ARAP1: variants seen among roughly 807,000 people sequenced by gnomAD.
ARAP1 encodes ArfGAP with RhoGAP domain, ankyrin repeat and PH domain 1.
Under a neutral mutation model 172.2 loss-of-function variants are expected in ARAP1, and 76 were observed. The observed-to-expected ratio is 0.44, with a 90% confidence interval of 0.37 to 0.53. The LOEUF (loss-of-function observed/expected upper bound fraction) is 0.53, where lower values mean the gene tolerates loss of function less well. ARAP1 is among the 20% of genes least tolerant of loss of function. The probability of loss-of-function intolerance (pLI) is 0.00; values close to 1 mark genes in which losing one functional copy is unlikely to be tolerated. For missense variants in ARAP1, 1,686 were observed against 1,977.5 expected, an observed-to-expected ratio of 0.85 and a Z score of 2.80; for synonymous variants, 804 against 803.3, an observed-to-expected ratio of 1.00 and a Z score of -0.01.
At chr11:72,723,030 G>A (rs959328060) in intron 3 of ARAP1, among the ~76,000 whole-genome samples, 2 of 152,164 alleles carry the variant, frequency 1.3e-5, no homozygotes. Context: ...GTAGGGTGCC[G>A]AGTGCAGTGG....
intron 1 of ARAP1, among the ~76,000 whole-genome samples, chr11:72,736,734 C>G (rs897322993): frequency 1.3e-5 from 2 of 152,172 alleles, no homozygotes; most frequent in African/African-American, 4.8e-5. Context: ...GTCCCACCCC[C>G]ACTCAAAGCC....
chr11:72,703,157 A>T, intron 14 of ARAP1, 78 bp from the exon 15 acceptor site: 1 of 1,386,296 alleles, frequency 7.2e-7, no homozygotes, highest in Non-Finnish European at 9.5e-7. Flanking sequence ...GGAGGAGAGG[A>T]AAGAAAAGGA....
In ARAP1 at chr11:72,712,571, G is replaced by A. The variant is rs1475026331; in HGVS notation, c.748-3C>T. 1 of 1,611,422 alleles carries A rather than the reference G, an allele frequency of 6.2e-7. No individual in the cohort carries two copies. The highest frequency in any genetic ancestry group is 8.5e-7 in the Non-Finnish European group (1 of 1,179,816). On this transcript the variant is annotated splice_polypyrimidine_tract_variant and splice_region_variant and intron_variant, in intron 5 of 34. Transcript: ENST00000393609. Reference sequence around the variant, plus strand: ...ACTCGGCTCGGTGGGGGCTCCTCCTGCCCCCGAGACCCACTCAGCGTCATC... The same window carrying A: ...ACTCGGCTCGGTGGGGGCTCCTCCTACCCCCGAGACCCACTCAGCGTCATC...
chr11:72,720,724 C>T (rs1004791929), intron 3 of ARAP1, among the ~76,000 whole-genome samples: 3 of 152,200 alleles, frequency 2.0e-5, no homozygotes, highest in South Asian at 2.1e-4. Context: ...ACTTGCTAAG[C>T]GCTCACTATG....
chr11:72,701,856 G>A (rs1430484549), intron 15 of ARAP1, 73 bp from the exon 16 acceptor site: 4 of 1,557,428 alleles, frequency 2.6e-6, no homozygotes, highest in South Asian at 1.2e-5. Context: ...CTCCCACCTG[G>A]CCTGGGCATT....
rs1177234318 is a variant in ARAP1, at chr11:72,685,606, T to C, written c.*58A>G. The C allele has an allele frequency of 6.2e-7, 1 of 1,612,682 alleles. No homozygotes were observed. Among genetic ancestry groups the C allele is most frequent in the South Asian group, 1.1e-5 (1 of 91,056 alleles). On this transcript the variant is annotated 3_prime_UTR_variant, in exon 35 of 35. Transcript: ENST00000393609. Reference sequence around the variant, plus strand: ...ACATCAGGCCTTGGAGCATAAGGGGTGTCTGAACAGAAGGCTTCCAGCGGC... The same window carrying C: ...ACATCAGGCCTTGGAGCATAAGGGGCGTCTGAACAGAAGGCTTCCAGCGGC...
chr11:72,705,813 G>A lies in ARAP1; in HGVS notation c.1801C>T (p.Leu601Phe). 1.2e-6 allele frequency: 2 copies of A among 1,614,090 alleles called. No individual in the cohort carries two copies. The highest frequency in any genetic ancestry group is 1.7e-6 in the Non-Finnish European group (2 of 1,179,972). ...KMDRKVWTET[L>F]IELFLQLGNG... ...AGCAGGGGCATCCCCACCTCGATAA[G>A]TGTTTCTGTCCACACCTTCCTGTCC... Residue 601 changes from leucine (L) to phenylalanine (F), a missense_variant, in exon 13 of 35, where the codon CTT (leucine) becomes TTT (phenylalanine). Physicochemically the swap from Leu to Phe is conservative, Grantham distance 22 (BLOSUM62 0). Coordinates refer to ENST00000393609, the MANE Select transcript of ARAP1 (RefSeq NM_001040118.3).
At chr11:72,713,613 T>C (rs1018178465) in intron 4 of ARAP1, among the ~76,000 whole-genome samples, 7 of 151,914 alleles carry the variant, frequency 4.6e-5, no homozygotes, top group African/African-American at 7.3e-5. Context: ...TTTGGGAGGC[T>C]GAGGTGGGCA....
At position 72,710,907 on chromosome 11, in the gene ARAP1, C is replaced by G. The variant is rs538091814; in HGVS notation, c.1213+114G>C. ...ACCTCACAAAGGCAGCATGCCTCCC[C>G]GGATGTGATGTGAGAGGGCAGATGC... On this transcript the variant is annotated intron_variant, in intron 9 of 34. Coordinates refer to ENST00000393609, the MANE Select transcript of ARAP1 (RefSeq NM_001040118.3). The surrounding 1 kb of genome is among the most constrained non-coding windows in gnomAD (Gnocchi z 4.3). The G allele has an allele frequency of 6.4e-7, 1 of 1,558,324 alleles. No homozygotes were observed. Among genetic ancestry groups the G allele is most frequent in the African/African-American group, 1.4e-5 (1 of 74,040 alleles).
At chr11:72,703,136 G>A in intron 14 of ARAP1, 57 bp from the exon 15 acceptor site, 2 of 1,453,948 alleles carry the variant, frequency 1.4e-6, no homozygotes, top group South Asian at 2.8e-5. Flanking sequence ...CACAAGGAAA[G>A]GGGCTACGGG....
intron 2 of ARAP1, among the ~76,000 whole-genome samples, chr11:72,728,934 G>A (rs72964177): frequency 0.018 from 2,672 of 152,254 alleles, 82 homozygotes; most frequent in African/African-American, 0.061. Flanking sequence ...ATTTCATGTG[G>A]AAAAATAAGC....
chr11:72,750,231 C>G (rs1858492764), intron 1 of ARAP1, among the ~76,000 whole-genome samples: 1 of 152,202 alleles, frequency 6.6e-6, no homozygotes, highest in African/African-American at 2.4e-5. Context: ...TCCAGGCCCC[C>G]AAGGGTTAAG....
chr11:72,723,901 T>G (rs1857607659), intron 3 of ARAP1, among the ~76,000 whole-genome samples: 1 of 152,196 alleles, frequency 6.6e-6, no homozygotes, highest in Admixed American at 6.5e-5. Flanking sequence ...TACACACACG[T>G]GCACACACTG....
chr11:72,743,962 C>T (rs1858279510), intron 1 of ARAP1, among the ~76,000 whole-genome samples: 1 of 152,096 alleles, frequency 6.6e-6, no homozygotes, highest in Non-Finnish European at 1.5e-5. Context: ...CTGCCCCTCC[C>T]CTCTGGTCTC....
chr11:72,748,877 T>A lies in ARAP1; in HGVS notation c.-128+3451A>T, dbSNP rs1200517850. ...CAGAGCTGGGGACACTGGGGTTGAT[T>A]CAGCGGCAGCCTCTGAGTTTTGTGG... On this transcript the variant is annotated intron_variant, in intron 1 of 34. Transcript: ENST00000393609. 5.9e-5 allele frequency among the ~76,000 whole-genome samples: 9 copies of A among 152,164 alleles called. 1 individual carries two copies. The highest frequency in any genetic ancestry group is 2.2e-4 in the African/African-American group (9 of 41,432).
rs765757550 is a variant in ARAP1, at chr11:72,713,174, AC to A, written c.747+1del. The A allele has an allele frequency of 6.2e-7, 1 of 1,613,518 alleles. No homozygotes were observed. The highest frequency in any genetic ancestry group is 8.5e-7 in the Non-Finnish European group (1 of 1,179,712). Reference sequence around the variant, plus strand: ...GGCAGACAGTCCCATGCCTGGCCCCACCTTCTTGGTCATCACTCTGGCTGGG... The same window carrying A: ...GGCAGACAGTCCCATGCCTGGCCCCACTTCTTGGTCATCACTCTGGCTGGG... On this transcript the variant is annotated splice_donor_variant, in intron 5 of 34. Transcript: ENST00000393609. LOFTEE classifies it high-confidence loss of function.
chr11:72,748,961 C>T (rs765821190), intron 1 of ARAP1, among the ~76,000 whole-genome samples: 8 of 152,192 alleles, frequency 5.3e-5, no homozygotes, highest in Admixed American at 1.3e-4. Flanking sequence ...CTGTTCAGAA[C>T]CCTGGAGTGG....
chr11:72,688,503 C>T lies in ARAP1; in HGVS notation c.4022G>A (p.Ser1341Asn), dbSNP rs755174763. 3 of 1,612,668 alleles carry T rather than the reference C, an allele frequency of 1.9e-6. No homozygotes were observed. The highest frequency in any genetic ancestry group is 2.7e-5 in the African/African-American group (2 of 74,868). ...HRPEKEWPIK[S>N]LKVYLGVKKK... is the part of the protein sequence containing the mutation. ...CTTCACTCCCAGGTAGACTTTGAGA[C>T]TCTTAATAGGCCACTCCTTCTCAGG... The change falls in exon 31 of 35, where the codon AGT (serine) becomes AAT (asparagine). Residue 1341 changes from serine to asparagine, a missense_variant. Around this residue, in one of 5 missense-constraint regions of ARAP1, gnomAD observed 379 missense variants for 500.1 expected, o/e 0.76. Transcript: ENST00000393609.
In ARAP1 at chr11:72,721,896, G is replaced by C. The variant is rs571501501; in HGVS notation, c.509+4724C>G. On this transcript the variant is annotated intron_variant, in intron 3 of 34. Transcript: ENST00000393609. ...TGGGGCTGAGGACTCCCACAGCTCC[G>C]GCCAGGCGGGCTGCGTATGCCCAAG... 4 of 985,678 alleles carry C rather than the reference G, an allele frequency of 4.1e-6. No individual in the cohort carries two copies. In the African/African-American group the frequency reaches 7.0e-5, roughly 17 times the overall value. 61.1% of individuals were successfully genotyped at this position (985,678 alleles called of 1,614,324 possible).
Sources: allele counts gnomAD v4.1 joint callset (sites outside exome capture counted in the v4.1 genomes callset), GRCh38; gene constraint gnomAD v4.1.1; regional missense constraint gnomAD v4.1.1; non-coding constraint Gnocchi (gnomAD v3.1); transcripts MANE v1.5; gene names NCBI Gene and HGNC (gene_info 2026-07-23, HGNC 2026-07-21).